Variants in PLCXD3 observed in about 807,000 individuals in gnomAD.
PLCXD3 encodes the protein phosphatidylinositol specific phospholipase C X domain containing 3, also known as PI-PLC X domain-containing protein 3.
A neutral mutation model predicts 25.5 loss-of-function variants in PLCXD3; 19 were observed. The observed-to-expected ratio is 0.75, with a 90% CI of 0.52 to 1.09. The LOEUF is 1.09. Ranked by LOEUF, PLCXD3 falls within the 50% of genes least tolerant of loss-of-function variation. The pLI, the probability that PLCXD3 is intolerant of heterozygous loss-of-function variation, is 0.00. For synonymous variants in PLCXD3, 174 were observed against 137.6 expected (o/e 1.26, Z -1.85); for missense variants, 411 against 388.1 (o/e 1.06, Z -0.50).
At chr5:41,488,001 T>C (rs1001296936) in intron 1 of PLCXD3, among the ~76,000 whole-genome samples, 1 of 151,362 alleles carries the variant, frequency 6.6e-6, no homozygotes, top group Non-Finnish European at 1.5e-5. Flanking sequence ...TGTGGCATGC[T>C]GGTGTACTGC....
At chr5:41,434,714 T>C (rs1430726495) in intron 1 of PLCXD3, among the ~76,000 whole-genome samples, 1 of 152,010 alleles carries the variant, frequency 6.6e-6, no homozygotes, top group East Asian at 1.9e-4. Flanking sequence ...ATGGAGATAA[T>C]ATGTTGGAAA....
At chr5:41,445,292 A>G (rs1319237350) in intron 1 of PLCXD3, among the ~76,000 whole-genome samples, 1 of 152,236 alleles carries the variant, frequency 6.6e-6, no homozygotes, top group Non-Finnish European at 1.5e-5. Flanking sequence ...TCCAGTGCTC[A>G]GGTTCTCTCA....
intron 1 of PLCXD3, among the ~76,000 whole-genome samples, chr5:41,438,634 C>A (rs1043593404): frequency 3.9e-5 from 6 of 152,164 alleles, no homozygotes; most frequent in Non-Finnish European, 7.4e-5. Flanking sequence ...ACCCAATAAA[C>A]CCTGCCCTAA....
intron 1 of PLCXD3, among the ~76,000 whole-genome samples, chr5:41,484,382 G>T (rs1226170476): frequency 1.3e-5 from 2 of 152,070 alleles, no homozygotes; most frequent in African/African-American, 4.8e-5. Flanking sequence ...TTAGTTTTGA[G>T]CAACTTTTTG....
At chr5:41,348,343 A>G (rs1444214284) in intron 2 of PLCXD3, among the ~76,000 whole-genome samples, 1 of 152,184 alleles carries the variant, frequency 6.6e-6, no homozygotes, top group African/African-American at 2.4e-5. Context: ...GGTACAGCTG[A>G]GAATTCTTGT....
chr5:41,459,613 A>G (rs905083111), intron 1 of PLCXD3, among the ~76,000 whole-genome samples: 1 of 151,778 alleles, frequency 6.6e-6, no homozygotes, highest in Non-Finnish European at 1.5e-5. Context: ...ATAAAATTTC[A>G]TAGCTCTGGC....
chr5:41,480,493 AAC>A (rs1181239641), intron 1 of PLCXD3, among the ~76,000 whole-genome samples: 3 of 152,006 alleles, frequency 2.0e-5, no homozygotes, highest in Non-Finnish European at 4.4e-5. Flanking sequence ...ACAGAGAAAA[AAC>A]ACAATTCAGG....
At chr5:41,489,295 G>A (rs1225374397) in intron 1 of PLCXD3, among the ~76,000 whole-genome samples, 5 of 152,238 alleles carry the variant, frequency 3.3e-5, no homozygotes, top group South Asian at 4.2e-4. Context: ...CTATATCTCT[G>A]TTTTGGTACC....
intron 1 of PLCXD3, among the ~76,000 whole-genome samples, chr5:41,454,785 T>C (rs1393302856): frequency 2.0e-5 from 3 of 152,082 alleles, no homozygotes; most frequent in African/African-American, 7.2e-5. Flanking sequence ...TCTCCAAGTT[T>C]ACAAAAGAAA....
intron 1 of PLCXD3, among the ~76,000 whole-genome samples, chr5:41,437,863 G>T (rs1454159396): frequency 6.6e-6 from 1 of 152,124 alleles, no homozygotes; most frequent in Non-Finnish European, 1.5e-5. Flanking sequence ...GCTGGAAAAA[G>T]GGAGGCTAAC....
intron 1 of PLCXD3, among the ~76,000 whole-genome samples, chr5:41,482,677 G>A (rs1188151728): frequency 6.6e-6 from 1 of 152,166 alleles, no homozygotes; most frequent in Non-Finnish European, 1.5e-5. Context: ...TAGAGCCTCA[G>A]AAAATTAGGA....
chr5:41,463,394 T>C (rs1747938611), intron 1 of PLCXD3, among the ~76,000 whole-genome samples: 1 of 152,006 alleles, frequency 6.6e-6, no homozygotes, highest in Non-Finnish European at 1.5e-5. Flanking sequence ...GTCTCTATTA[T>C]AAGAACACTA....
chr5:41,411,778 A>T (rs934100201), intron 1 of PLCXD3, among the ~76,000 whole-genome samples: 3 of 149,824 alleles, frequency 2.0e-5, no homozygotes, highest in Non-Finnish European at 4.4e-5. Flanking sequence ...TTTTTATAAT[A>T]GTTTTGGTCA....
intron 2 of PLCXD3, among the ~76,000 whole-genome samples, chr5:41,353,649 G>A (rs974604242): frequency 1.3e-5 from 2 of 152,138 alleles, no homozygotes; most frequent in South Asian, 2.1e-4. Flanking sequence ...GTGTAGCTTC[G>A]CTTTTATTGA....
At chr5:41,322,082 A>T (rs1051046863) in intron 2 of PLCXD3, among the ~76,000 whole-genome samples, 3 of 152,216 alleles carry the variant, frequency 2.0e-5, no homozygotes, top group Admixed American at 2.0e-4. Flanking sequence ...GACAAATGGG[A>T]TCACATCAAA....
At chr5:41,394,291 A>G (rs1745930588) in intron 1 of PLCXD3, among the ~76,000 whole-genome samples, 1 of 152,136 alleles carries the variant, frequency 6.6e-6, no homozygotes, top group Admixed American at 6.5e-5. Context: ...AAAAATGAAT[A>G]CATAAAAAAT....
At chr5:41,499,603 C>T (rs1042589282) in intron 1 of PLCXD3, among the ~76,000 whole-genome samples, 1 of 151,706 alleles carries the variant, frequency 6.6e-6, no homozygotes, top group African/African-American at 2.4e-5. Context: ...CAATCTTTAT[C>T]AAAACCTGCT....
At chr5:41,317,564 TCAGA>T (rs150265015) in intron 2 of PLCXD3, among the ~76,000 whole-genome samples, 2,066 of 152,160 alleles carry the variant, frequency 0.014, 64 homozygotes, top group African/African-American at 0.047. Flanking sequence ...ATGTGACCTT[TCAGA>T]CAAAGAACTC....
intron 1 of PLCXD3, among the ~76,000 whole-genome samples, chr5:41,409,577 A>C (rs765536590): frequency 6.6e-6 from 1 of 152,164 alleles, no homozygotes; most frequent in East Asian, 1.9e-4. Context: ...TTTTCTTCAT[A>C]GAGTTTATCA....
Sources: allele counts gnomAD v4.1 joint callset (sites outside exome capture counted in the v4.1 genomes callset), GRCh38; gene constraint gnomAD v4.1.1; transcripts MANE v1.5; gene names NCBI Gene and HGNC (gene_info 2026-07-23, HGNC 2026-07-21).